Variants in SLC14A2 observed in about 807,000 individuals in gnomAD.
SLC14A2 encodes solute carrier family 14 member 2.
Under a neutral mutation model 104.6 loss-of-function variants are expected in SLC14A2, and 91 were observed. That is an observed-to-expected ratio of 0.87 (90% CI 0.73 to 1.04). The LOEUF is 1.04. Among genes scored for constraint, SLC14A2 ranks in the 50% least tolerant of loss-of-function variants. SLC14A2 has a pLI of 0.00. For missense variants in SLC14A2, 1,189 were observed against 1,156.0 expected, an observed-to-expected ratio of 1.03 and a Z score of -0.41; for synonymous variants, 476 against 466.4, an observed-to-expected ratio of 1.02 and a Z score of -0.27.
chr18:45,378,135 T>C (rs1328732152), intron 1 of SLC14A2, among the ~76,000 whole-genome samples: 1 of 152,234 alleles, frequency 6.6e-6, no homozygotes, highest in Admixed American at 6.5e-5. Context: ...TTTATAGTTA[T>C]TTATCTATGG....
chr18:45,454,206 G>A (rs1330312730), intron 1 of SLC14A2, among the ~76,000 whole-genome samples: 1 of 152,136 alleles, frequency 6.6e-6, no homozygotes, highest in Non-Finnish European at 1.5e-5. Flanking sequence ...CTGGGGAAGG[G>A]TGGGGAATCC....
At chr18:45,616,672 G>T (rs2045076565) in intron 1 of SLC14A2, among the ~76,000 whole-genome samples, 2 of 152,226 alleles carry the variant, frequency 1.3e-5, no homozygotes, top group South Asian at 4.2e-4. Flanking sequence ...CAGACTGAGG[G>T]CTCTGAAGGA....
chr18:45,563,700 A>G (rs1208031274), intron 2 of SLC14A2, among the ~76,000 whole-genome samples: 1 of 152,252 alleles, frequency 6.6e-6, no homozygotes, highest in Non-Finnish European at 1.5e-5. Context: ...CTCTTTGATC[A>G]TCTCTTTAAA....
intron 1 of SLC14A2, among the ~76,000 whole-genome samples, chr18:45,294,466 CTG>C (rs936522348): frequency 1.3e-5 from 2 of 152,090 alleles, no homozygotes; most frequent in African/African-American, 2.4e-5. Flanking sequence ...CAAAAACAAA[CTG>C]TTATTTGTTT....
Position 45,624,573 on chromosome 18 carries a change from C to A in SLC14A2, c.-34-58C>A, listed in dbSNP as rs533412484. 4.1e-4 allele frequency: 566 copies of A among 1,365,522 alleles called. 11 individuals carry two copies. The South Asian group carries it at 7.5e-3, about 18-fold the overall frequency. 84.6% of individuals were successfully genotyped at this position (1,365,522 alleles called of 1,614,324 possible). A position where few individuals can be genotyped will look rare whatever the true frequency, so the allele number is the denominator to read the frequency against. On this transcript the variant is annotated intron_variant, in intron 1 of 19. Coordinates refer to ENST00000255226, the MANE Select transcript of SLC14A2 (RefSeq NM_007163.4). ...ACCTGAGGTCTGAGTCCAGCCTCAGCCAAGTCCCTCTGGGCCCCGTCCTGA... is the reference window on the plus strand; with the variant it reads ...ACCTGAGGTCTGAGTCCAGCCTCAGACAAGTCCCTCTGGGCCCCGTCCTGA...
chr18:45,656,882 AG>A (rs1321877167), intron 10 of SLC14A2, among the ~76,000 whole-genome samples: 1 of 152,262 alleles, frequency 6.6e-6, no homozygotes, highest in Admixed American at 6.5e-5. Context: ...ATTTGCTGTG[AG>A]GATGAGTCTC....
chr18:45,224,351 C>G (rs1042305313), intron 1 of SLC14A2, among the ~76,000 whole-genome samples: 1 of 152,340 alleles, frequency 6.6e-6, no homozygotes, highest in East Asian at 1.9e-4. Context: ...CCTGGATCAG[C>G]TGTGGGAGTA....
At chr18:45,585,788 G>A (rs1043231529) in intron 2 of SLC14A2, among the ~76,000 whole-genome samples, 55 of 152,198 alleles carry the variant, frequency 3.6e-4, no homozygotes, top group South Asian at 6.2e-4. Context: ...TTCTCCCTCT[G>A]CATGAGCCAC....
intron 8 of SLC14A2, among the ~76,000 whole-genome samples, chr18:45,642,390 G>A (rs1256621638): frequency 1.3e-5 from 2 of 152,350 alleles, no homozygotes; most frequent in African/African-American, 4.8e-5. Flanking sequence ...GGCCTTCAGA[G>A]AAGTGGCAGA....
intron 1 of SLC14A2, among the ~76,000 whole-genome samples, chr18:45,261,655 G>A (rs907808135): frequency 4.6e-5 from 7 of 151,632 alleles, no homozygotes; most frequent in East Asian, 2.0e-4. Flanking sequence ...GAGAACATGC[G>A]GTGTTTGGTT....
intron 1 of SLC14A2, among the ~76,000 whole-genome samples, chr18:45,282,952 C>T (rs188731273): frequency 6.6e-5 from 10 of 152,226 alleles, no homozygotes; most frequent in Admixed American, 4.6e-4. Context: ...GTAAAATATG[C>T]GTAGGGTGTG....
chr18:45,273,018 G>A (rs1397767757), intron 1 of SLC14A2, among the ~76,000 whole-genome samples: 1 of 152,006 alleles, frequency 6.6e-6, no homozygotes. Flanking sequence ...TGCAAATATC[G>A]GAATAATGGA....
intron 2 of SLC14A2, among the ~76,000 whole-genome samples, chr18:45,547,987 C>A (rs1442693600): frequency 6.6e-6 from 1 of 152,112 alleles, no homozygotes; most frequent in Non-Finnish European, 1.5e-5. Context: ...GACTTTGTAG[C>A]CCAGGACTTG....
intron 1 of SLC14A2, among the ~76,000 whole-genome samples, chr18:45,389,323 G>A (rs886168982): frequency 1.3e-5 from 2 of 152,124 alleles, no homozygotes; most frequent in African/African-American, 4.8e-5. Flanking sequence ...CATAAATATG[G>A]ACTACAGAAT....
upstream of SLC14A2, among the ~76,000 whole-genome samples, chr18:45,611,030 A>G (rs1270350163): frequency 6.6e-6 from 1 of 152,178 alleles, no homozygotes; most frequent in East Asian, 1.9e-4. Context: ...GGATCGGCAC[A>G]CCCAGGTGCT....
chr18:45,359,463 G>GCCTCCCC (rs1380575721), intron 1 of SLC14A2, among the ~76,000 whole-genome samples: 1 of 152,168 alleles, frequency 6.6e-6, no homozygotes, highest in Non-Finnish European at 1.5e-5. Context: ...TAAGGAGTAG[G>GCCTCCCC]CCTCCCCGGA....
chr18:45,551,025 G>C (rs1346853151), intron 2 of SLC14A2, among the ~76,000 whole-genome samples: 1 of 152,178 alleles, frequency 6.6e-6, no homozygotes, highest in Non-Finnish European at 1.5e-5. Flanking sequence ...ATTTCATTTA[G>C]ATACAGAAAG....
intron 2 of SLC14A2, among the ~76,000 whole-genome samples, chr18:45,488,004 C>T (rs2087642373): frequency 6.6e-6 from 1 of 152,106 alleles, no homozygotes; most frequent in African/African-American, 2.4e-5. Context: ...TGTACCTAAG[C>T]TTCACTTTTA....
intron 1 of SLC14A2, among the ~76,000 whole-genome samples, chr18:45,460,389 T>C (rs1000497995): frequency 1.3e-5 from 2 of 152,252 alleles, no homozygotes; most frequent in African/African-American, 4.8e-5. Context: ...ATGTACACAC[T>C]AGGGCTGCCC....
Sources: gnomAD v4.1 joint callset for allele counts (sites outside exome capture counted in the v4.1 genomes callset) on GRCh38, gnomAD v4.1.1 for gene constraint, MANE v1.5 for transcripts, NCBI Gene and HGNC (gene_info 2026-07-23, HGNC 2026-07-21) for gene names.